NAA11: variants seen among roughly 807,000 people sequenced by gnomAD.
NAA11 encodes N-alpha-acetyltransferase 11, NatA catalytic subunit.
A neutral mutation model predicts 16.1 loss-of-function variants in NAA11; 15 were observed. That is an observed-to-expected ratio of 0.93 (90% CI 0.62 to 1.44). The LOEUF (loss-of-function observed/expected upper bound fraction) is 1.44. Among genes scored for constraint, NAA11 ranks in the 40% most tolerant of loss-of-function variants. The pLI, the probability that NAA11 is intolerant of heterozygous loss-of-function variation, is 0.00. For synonymous variants in NAA11, 122 were observed against 112.4 expected (o/e 1.09, Z -0.54); for missense variants, 298 against 291.3 (o/e 1.02, Z -0.17).
the NAA11 span, among the ~76,000 whole-genome samples, chr4:79,183,708 C>G: frequency 6.6e-6 from 1 of 151,822 alleles, no homozygotes; most frequent in Non-Finnish European, 1.5e-5. Flanking sequence ...TCTGAACTTG[C>G]AAGCATATTT....
chr4:79,296,536 C>A (rs1723227506), intron 1 of NAA11, among the ~76,000 whole-genome samples: 1 of 152,196 alleles, frequency 6.6e-6, no homozygotes, highest in Non-Finnish European at 1.5e-5. Flanking sequence ...ACACCTTGGC[C>A]TTCCTTATCT....
chr4:79,243,299 AATGAAG>A (rs1365142331), intron 2 of NAA11, among the ~76,000 whole-genome samples: 2 of 152,228 alleles, frequency 1.3e-5, no homozygotes, highest in Non-Finnish European at 2.9e-5. Context: ...TATTTTAAAA[AATGAAG>A]ATGAGGAAGG....
At chr4:79,298,768 C>T (rs1421730564) in intron 1 of NAA11, among the ~76,000 whole-genome samples, 5 of 152,320 alleles carry the variant, frequency 3.3e-5, no homozygotes, top group Non-Finnish European at 7.3e-5. Flanking sequence ...GCCAAGTGGG[C>T]GAAATGAGCC....
downstream of NAA11, among the ~76,000 whole-genome samples, chr4:79,222,689 C>T (rs1721217764): frequency 6.9e-6 from 1 of 145,790 alleles, no homozygotes; most frequent in Non-Finnish European, 1.5e-5. Flanking sequence ...AAAGAAACTA[C>T]CATCAGAGTG....
intron 2 of NAA11, among the ~76,000 whole-genome samples, chr4:79,259,394 CT>C (rs1485633167): frequency 6.6e-6 from 1 of 152,230 alleles, no homozygotes; most frequent in Admixed American, 6.5e-5. Flanking sequence ...TCACAGAGAG[CT>C]GGCACCCATG....
chr4:79,177,280 A>T, the NAA11 span, among the ~76,000 whole-genome samples: 1 of 151,744 alleles, frequency 6.6e-6, no homozygotes. Flanking sequence ...TCCCTTTGGG[A>T]GCATCTGAAC....
At chr4:79,156,738 C>A in the NAA11 span, among the ~76,000 whole-genome samples, 2 of 152,222 alleles carry the variant, frequency 1.3e-5, no homozygotes, top group Non-Finnish European at 2.9e-5. Flanking sequence ...TATCGTACAT[C>A]TGTTAGATGA....
chr4:79,193,097 T>A, the NAA11 span, among the ~76,000 whole-genome samples: 1 of 152,050 alleles, frequency 6.6e-6, no homozygotes, highest in East Asian at 1.9e-4. Context: ...TAAATTTGTT[T>A]GAGTTCATTG....
intron 2 of NAA11, among the ~76,000 whole-genome samples, chr4:79,291,488 GC>G (rs1723083900): frequency 6.6e-6 from 1 of 152,024 alleles, no homozygotes; most frequent in African/African-American, 2.4e-5. Context: ...AAAGAATTGG[GC>G]CGGGCCTGGT....
the NAA11 span, among the ~76,000 whole-genome samples, chr4:79,203,772 G>A: frequency 6.6e-6 from 1 of 151,698 alleles, no homozygotes. Context: ...AACTGAAAAT[G>A]TATTTGAAAT....
the NAA11 span, among the ~76,000 whole-genome samples, chr4:79,173,860 T>C: frequency 6.6e-6 from 1 of 152,164 alleles, no homozygotes; most frequent in Non-Finnish European, 1.5e-5. Context: ...ACAGCTTTAA[T>C]GCCTAGGCTG....
downstream of NAA11, among the ~76,000 whole-genome samples, chr4:79,312,646 C>CAAAAAAAAAAAAAAAAA (rs544315352): frequency 1.4e-5 from 1 of 69,448 alleles, no homozygotes; most frequent in African/African-American, 6.1e-5. Context: ...GACTCCATCT[C>CAAAAAAAAAAAAAAAAA]AAAAAAAAAA....
chr4:79,247,083 G>T (rs867547283), intron 2 of NAA11, among the ~76,000 whole-genome samples: 15 of 152,246 alleles, frequency 9.9e-5, no homozygotes, highest in African/African-American at 3.6e-4. Flanking sequence ...TTGAGGCTAG[G>T]GTTCTAAAGC....
chr4:79,308,678 T>C (rs950578431), intron 1 of NAA11: 1 of 152,192 alleles, frequency 6.6e-6, no homozygotes, highest in African/African-American at 2.4e-5. Flanking sequence ...ATCTTCATTA[T>C]CTCCTGACCC....
the NAA11 span, among the ~76,000 whole-genome samples, chr4:79,168,580 G>A: frequency 3.3e-5 from 5 of 152,264 alleles, no homozygotes; most frequent in East Asian, 9.7e-4. Flanking sequence ...GCGTGAGATG[G>A]TATCTCATTG....
Position 79,325,978 on chromosome 4 carries a change from G to T in NAA11, c.-101C>A. On this transcript the variant is annotated 5_prime_UTR_variant, in exon 1 of 2. Transcript: ENST00000286794. ...TTGCCTCAGGAATCGAGTCCAGGGG[G>T]CTAACACCACCGGGCTGAATCGTGT... 1 of 996,760 alleles carries T rather than the reference G, an allele frequency of 1.0e-6. No homozygotes were observed. Among genetic ancestry groups the T allele is most frequent in the Non-Finnish European group, 1.5e-6 (1 of 675,602 alleles). 61.7% of individuals were successfully genotyped at this position (996,760 alleles called of 1,614,324 possible). A position where few individuals can be genotyped will look rare whatever the true frequency, so the allele number is the denominator to read the frequency against.
At chr4:79,190,456 CT>C in the NAA11 span, among the ~76,000 whole-genome samples, 1 of 142,572 alleles carries the variant, frequency 7.0e-6, no homozygotes, top group Admixed American at 7.0e-5. Flanking sequence ...TTGTCTCTCC[CT>C]TTTTTTTTTT....
chr4:79,218,655 CTA>C, the NAA11 span, among the ~76,000 whole-genome samples: 1 of 151,948 alleles, frequency 6.6e-6, no homozygotes, highest in African/African-American at 2.4e-5. Context: ...CTCAATTCCG[CTA>C]TTTTTTAATA....
At chr4:79,159,313 G>A in the NAA11 span, among the ~76,000 whole-genome samples, 2 of 152,052 alleles carry the variant, frequency 1.3e-5, no homozygotes, top group African/African-American at 4.8e-5. Flanking sequence ...ATATACAAAT[G>A]GTCAACAAAT....
Sources: gnomAD v4.1 joint callset for allele counts (sites outside exome capture counted in the v4.1 genomes callset) on GRCh38, gnomAD v4.1.1 for gene constraint, MANE v1.5 for transcripts, NCBI Gene and HGNC (gene_info 2026-07-23, HGNC 2026-07-21) for gene names.